The following RIPK2 variants were observed in gnomAD, a reference collection of about 807,000 sequenced individuals.
RIPK2 encodes receptor-interacting serine/threonine-protein kinase 2.
A neutral mutation model predicts 60.9 loss-of-function variants in RIPK2; 38 were observed. That is an observed-to-expected ratio of 0.62 (90% CI 0.48 to 0.82). The LOEUF (loss-of-function observed/expected upper bound fraction) is 0.82, where lower values mean the gene tolerates loss of function less well. Ranked by LOEUF, RIPK2 falls within the 40% of genes least tolerant of loss-of-function variation. The pLI is 0.00. For missense variants in RIPK2, 518 were observed against 647.0 expected (o/e 0.80, Z 2.16); for synonymous variants, 225 against 223.4 (o/e 1.01, Z -0.06).
chr8:89,779,354 G>T (rs1809458809), intron 6 of RIPK2, among the ~76,000 whole-genome samples: 1 of 103,306 alleles, frequency 9.7e-6, no homozygotes, highest in Admixed American at 1.6e-4. Flanking sequence ...TTGCTCTGTT[G>T]CCCAGGCTGG....
At chr8:89,786,777 C>A in intron 9 of RIPK2, 91 bp downstream of exon 9, 1 of 756,042 alleles carries the variant, frequency 1.3e-6, no homozygotes, top group Middle Eastern at 2.6e-4. Flanking sequence ...TTCTATGGAA[C>A]TTTAATTTGC....
chr8:89,789,268 A>C (rs954370091), intron 9 of RIPK2, 53 bp from the exon 10 acceptor site: 40 of 1,496,634 alleles, frequency 2.7e-5, no homozygotes, highest in Non-Finnish European at 3.5e-5. Flanking sequence ...ATGTTAGCCA[A>C]TAGGAATTTC....
chr8:89,789,163 A>C (rs1428107793), intron 9 of RIPK2, among the ~76,000 whole-genome samples, 158 bp from the exon 10 acceptor site: 1 of 152,212 alleles, frequency 6.6e-6, no homozygotes, highest in East Asian at 1.9e-4. Context: ...TGTTTTAAGA[A>C]ATATCTACTT....
At position 89,758,008 on chromosome 8, in the gene RIPK2, G is replaced by A; in HGVS notation, c.-53G>A. 2.0e-6 allele frequency: 3 copies of A among 1,487,778 alleles called. No homozygotes were observed. Among genetic ancestry groups the A allele is most frequent in the Non-Finnish European group, 2.7e-6 (3 of 1,114,778 alleles). 92.2% of individuals were successfully genotyped at this position (1,487,778 alleles called of 1,614,324 possible). Reference sequence around the variant, plus strand: ...CGCCTGAGCGCGGCGTGGGAGCCTTGGGAGCCGCCGCAGCAGGGGGCACAC... The same window carrying A: ...CGCCTGAGCGCGGCGTGGGAGCCTTAGGAGCCGCCGCAGCAGGGGGCACAC... On this transcript the variant is annotated 5_prime_UTR_variant, in exon 1 of 11. Transcript: ENST00000220751.
chr8:89,758,981 G>A (rs1334892433), intron 1 of RIPK2, among the ~76,000 whole-genome samples: 1 of 152,072 alleles, frequency 6.6e-6, no homozygotes, highest in Non-Finnish European at 1.5e-5. Flanking sequence ...AGGATGTTTT[G>A]CTTCTTATTG....
Position 89,786,728 on chromosome 8 carries a change from A to G in RIPK2, c.1123+42A>G, listed in dbSNP as rs201854465. The stretch of plus-strand genomic sequence containing the variant: ...ATCATTATTTACTTGCAAGTTTTCC[A>G]TTTTCTTTCAAGATCAAATTTTTGC... On this transcript the variant is annotated intron_variant, in intron 9 of 10. Coordinates refer to ENST00000220751, the MANE Select transcript of RIPK2 (RefSeq NM_003821.6). 23 of 1,170,860 alleles carry G rather than the reference A, an allele frequency of 2.0e-5. No homozygotes were observed. The East Asian group carries it at 4.7e-4, about 24-fold the overall frequency. The allele number at this position is 1,170,860 out of a possible 1,614,324, so 72.5% of individuals were successfully genotyped here.
intron 9 of RIPK2, among the ~76,000 whole-genome samples, 178 bp downstream of exon 9, chr8:89,786,864 A>C (rs1809596037): frequency 6.6e-6 from 1 of 151,872 alleles, no homozygotes; most frequent in Non-Finnish European, 1.5e-5. Flanking sequence ...AATACATTTA[A>C]GTTTTAAGGC....
At chr8:89,768,758 C>A (rs1371655265) in intron 3 of RIPK2, among the ~76,000 whole-genome samples, 1 of 151,368 alleles carries the variant, frequency 6.6e-6, no homozygotes, top group Non-Finnish European at 1.5e-5. Context: ...TTATTCTACC[C>A]CTCCTTTTTG....
Position 89,784,031 on chromosome 8 carries a change from AT to A in RIPK2, c.940-16del, listed in dbSNP as rs755436364. ...TCATCTCCAGTTAAAGTGTATATATATTTATGTATTCATTACAGTTACAGAG... is the reference window on the plus strand; with the variant it reads ...TCATCTCCAGTTAAAGTGTATATATATTATGTATTCATTACAGTTACAGAG... On this transcript the variant is annotated intron_variant, in intron 7 of 10. Coordinates refer to ENST00000220751, the MANE Select transcript of RIPK2 (RefSeq NM_003821.6). 2 of 1,305,712 alleles carry A rather than the reference AT, an allele frequency of 1.5e-6. No individual in the cohort carries two copies. The highest frequency in any genetic ancestry group is 4.7e-5 in the East Asian group (2 of 42,496). 80.9% of individuals were successfully genotyped at this position (1,305,712 alleles called of 1,614,324 possible).
chr8:89,759,875 C>G (rs1362413958), intron 1 of RIPK2, among the ~76,000 whole-genome samples: 5 of 152,206 alleles, frequency 3.3e-5, no homozygotes, highest in Non-Finnish European at 7.3e-5. Flanking sequence ...TTTGATTTAT[C>G]TAAGCTTTGT....
chr8:89,762,965 A>G lies in RIPK2; in HGVS notation c.310A>G (p.Asn104Asp), dbSNP rs200818100. 844 of 1,505,426 alleles carry G rather than the reference A, an allele frequency of 5.6e-4. No homozygotes were observed. Among genetic ancestry groups the G allele is most frequent in the Non-Finnish European group, 6.7e-4 (744 of 1,117,678 alleles). 93.3% of individuals were successfully genotyped at this position (1,505,426 alleles called of 1,614,324 possible). Residue 104 changes from asparagine to aspartate, a missense_variant, in exon 2 of 11, where the codon AAT becomes GAT. By Grantham distance (23) the Asn-to-Asp change is conservative. This residue lies in a region of RIPK2 where 448 missense variants were observed against 534.7 expected (regional missense o/e 0.84). Transcript: ENST00000220751. ...TGAATACATGCCAAATGGATCATTA[A>G]ATGAACTCCTACATAGGGTAAGTAT... ...VTEYMPNGSL[N>D]ELLHRKTEYP...
chr8:89,764,769 A>T (rs543288004), intron 2 of RIPK2, among the ~76,000 whole-genome samples: 1 of 152,278 alleles, frequency 6.6e-6, no homozygotes, highest in East Asian at 1.9e-4. Context: ...GAATGCAGAT[A>T]AATTAATTAT....
intron 4 of RIPK2, among the ~76,000 whole-genome samples, chr8:89,770,321 C>G (rs1174304601): frequency 6.6e-6 from 1 of 151,822 alleles, no homozygotes; most frequent in Non-Finnish European, 1.5e-5. Context: ...TAGACAAACT[C>G]TTAATCACAC....
chr8:89,758,929 G>A (rs1322496568), intron 1 of RIPK2, among the ~76,000 whole-genome samples: 1 of 152,156 alleles, frequency 6.6e-6, no homozygotes, highest in Non-Finnish European at 1.5e-5. Context: ...ATGTGGTGGT[G>A]TTCACATTAT....
intron 7 of RIPK2, among the ~76,000 whole-genome samples, chr8:89,782,933 A>G (rs937902149): frequency 3.9e-5 from 6 of 152,186 alleles, no homozygotes; most frequent in African/African-American, 1.4e-4. Context: ...GTTTTGGCAA[A>G]TTTTATAAGC....
At position 89,790,440 on chromosome 8, in the gene RIPK2, G is replaced by T; in HGVS notation, c.*24G>T. The T allele has an allele frequency of 6.7e-7, 1 of 1,484,766 alleles. No individual in the cohort carries two copies. The highest frequency in any genetic ancestry group is 9.1e-7 in the Non-Finnish European group (1 of 1,095,710). The allele number at this position is 1,484,766 out of a possible 1,614,324, so 92.0% of individuals were successfully genotyped here. ...AAGTGACTGTTTTTCAAGAAGAAAT[G>T]TGTTTCATAAAAGGATATTTATATC... is the stretch of plus-strand genomic sequence containing the variant. On this transcript the variant is annotated 3_prime_UTR_variant, in exon 11 of 11. Transcript: ENST00000220751.
rs199587269 is a variant in RIPK2 at position 89,758,188 on chromosome 8, A to G, written c.128A>G (p.Gln43Arg). The stretch of plus-strand genomic sequence containing the variant: ...GCCCGCCACGCAGACTGGCGCGTCC[A>G]GGTGGCCGTGAAGCACCTGCACATC... ...SSARHADWRV[Q>R]VAVKHLHIHT... The change falls in exon 1 of 11, where the codon CAG becomes CGG. Residue 43 changes from glutamine to arginine, a missense_variant. Gln to Arg is a conservative substitution (Grantham distance 43, BLOSUM62 1). Transcript: ENST00000220751. The G allele has an allele frequency of 8.1e-6, 13 of 1,610,448 alleles. No homozygotes were observed. The highest frequency in any genetic ancestry group is 3.3e-5 in the South Asian group (3 of 90,546).
At chr8:89,761,712 T>A (rs367790108) in intron 1 of RIPK2, among the ~76,000 whole-genome samples, 3,585 of 146,742 alleles carry the variant, frequency 0.024, 54 homozygotes, top group Non-Finnish European at 0.04. Context: ...TCTGGTCTGT[T>A]AAAAAAAAAA....
At chr8:89,771,889 T>C (rs1809318740) in intron 5 of RIPK2, 99 bp downstream of exon 5, 3 of 847,202 alleles carry the variant, frequency 3.5e-6, no homozygotes, top group South Asian at 3.0e-5. Context: ...TGCTTATTCA[T>C]TTTGTGGAAA....
Sources: allele counts gnomAD v4.1 joint callset (sites outside exome capture counted in the v4.1 genomes callset), GRCh38; gene constraint gnomAD v4.1.1; regional missense constraint gnomAD v4.1.1; transcripts MANE v1.5; gene names NCBI Gene and HGNC (gene_info 2026-07-23, HGNC 2026-07-21).